Variants in CAST observed in about 807,000 individuals in gnomAD.
CAST encodes the protein calpastatin.
CAST carries 76 observed loss-of-function variants against 119.6 expected under a neutral mutation model. The observed-to-expected ratio is 0.64, with a 90% CI of 0.53 to 0.77. The LOEUF is 0.77. CAST is among the 30% of genes least tolerant of loss of function. The probability of loss-of-function intolerance (pLI) is 0.00; values close to 1 mark genes in which losing one functional copy is unlikely to be tolerated. For synonymous variants in CAST, 319 were observed against 331.6 expected (o/e 0.96, Z 0.41); for missense variants, 953 against 946.5 (o/e 1.01, Z -0.09).
chr5:96,530,472 T>G (rs528017110), intron 1 of CAST, among the ~76,000 whole-genome samples: 2 of 152,176 alleles, frequency 1.3e-5, no homozygotes, highest in African/African-American at 2.4e-5. Flanking sequence ...AAGTAGGCAA[T>G]TGGATAAAGA....
the CAST span, among the ~76,000 whole-genome samples, chr5:96,498,336 G>A: frequency 6.6e-6 from 1 of 152,158 alleles, no homozygotes; most frequent in Non-Finnish European, 1.5e-5. Context: ...GATTGACTTG[G>A]CAATGTGGGC....
At chr5:96,111,073 A>C in the CAST span, 2 of 152,210 alleles carry the variant, frequency 1.3e-5, no homozygotes, top group African/African-American at 4.8e-5. Flanking sequence ...GATGCCAATC[A>C]CAAGTAGTGA....
At chr5:96,422,799 T>G in the CAST span, among the ~76,000 whole-genome samples, 1 of 152,240 alleles carries the variant, frequency 6.6e-6, no homozygotes, top group Non-Finnish European at 1.5e-5. Context: ...TGAAGCAAAT[T>G]GTTTTTATTT....
chr5:96,201,231 C>T, the CAST span, among the ~76,000 whole-genome samples: 3 of 152,116 alleles, frequency 2.0e-5, no homozygotes, highest in African/African-American at 7.2e-5. Flanking sequence ...GCCATTCACT[C>T]AACAACTATT....
upstream of CAST, among the ~76,000 whole-genome samples, chr5:96,521,824 T>C (rs1745523149): frequency 1.3e-5 from 2 of 152,208 alleles, no homozygotes; most frequent in African/African-American, 4.8e-5. Flanking sequence ...CACTGTGCTA[T>C]ATAAAATGAC....
chr5:96,562,424 T>C (rs992916151), intron 1 of CAST, among the ~76,000 whole-genome samples: 1 of 152,118 alleles, frequency 6.6e-6, no homozygotes. Flanking sequence ...ACAACCACAA[T>C]GAAATACACA....
At chr5:96,412,923 G>T in the CAST span, 3 of 504,682 alleles carry the variant, frequency 5.9e-6, no homozygotes, top group Non-Finnish European at 7.5e-6. Flanking sequence ...TGACAGACCA[G>T]CTTTCAGAAA....
At chr5:96,144,969 C>T in the CAST span, among the ~76,000 whole-genome samples, 1 of 152,144 alleles carries the variant, frequency 6.6e-6, no homozygotes, top group Admixed American at 6.5e-5. Flanking sequence ...AAATTTACTG[C>T]CCATATAATT....
the CAST span, among the ~76,000 whole-genome samples, chr5:96,396,820 A>G: frequency 3.3e-5 from 5 of 152,244 alleles, no homozygotes; most frequent in African/African-American, 4.8e-5. Flanking sequence ...AGAATGAAAA[A>G]GAAATGAGAA....
chr5:96,598,343 C>A lies in CAST; in HGVS notation c.60+68463C>A, dbSNP rs138094879. ...CAGGACCCCCAAGTCTGCCCAAAGG[C>A]CAGCTAGTTCCCTGGGTCAGCCTCA... On this transcript the variant is annotated intron_variant, in intron 1 of 11. Transcript: ENST00000505143. Among the ~76,000 whole-genome samples, 250 of 152,298 alleles carry A rather than the reference C, an allele frequency of 1.6e-3. 1 individual carries two copies. The highest frequency in any genetic ancestry group is 5.8e-3 in the African/African-American group (241 of 41,562).
At chr5:96,001,307 T>C in the CAST span, among the ~76,000 whole-genome samples, 1 of 152,204 alleles carries the variant, frequency 6.6e-6, no homozygotes, top group Non-Finnish European at 1.5e-5. Context: ...GTGCTAGTTA[T>C]ATGATTCACT....
Position 96,559,911 on chromosome 5 carries a change from T to A in CAST, c.60+30031T>A, listed in dbSNP as rs575373289. ...CACATTGCCAAGTCAATCCTAAGCC[T>A]AAAGAACAAAGCTGGAGGCGTCACA... On this transcript the variant is annotated intron_variant, in intron 1 of 11. Transcript: ENST00000505143. 2.0e-5 allele frequency among the ~76,000 whole-genome samples: 3 copies of A among 152,180 alleles called. No individual in the cohort carries two copies. In the South Asian group the frequency reaches 6.2e-4, roughly 32 times the overall value.
In CAST at chr5:96,767,434, T is replaced by A; in HGVS notation, c.2131-4T>A. On this transcript the variant is annotated splice_polypyrimidine_tract_variant and splice_region_variant and intron_variant, in intron 27 of 31. Coordinates refer to ENST00000675179, the MANE Select transcript of CAST (RefSeq NM_001750.7). ...CTTAACCAATAGTCTGCCTTCTTTT[T>A]AAGGACAAACCAGTGAAGCCACCTA... 1 of 1,611,390 alleles carries A rather than the reference T, an allele frequency of 6.2e-7. No individual in the cohort carries two copies. The highest frequency in any genetic ancestry group is 8.5e-7 in the Non-Finnish European group (1 of 1,177,776).
At chr5:96,522,008 T>G (rs1413579777), upstream of CAST, among the ~76,000 whole-genome samples, 1 of 151,976 alleles carries the variant, frequency 6.6e-6, no homozygotes, top group Admixed American at 6.6e-5. Flanking sequence ...CCCAGCTACT[T>G]GGGAGGCTCA....
the CAST span, among the ~76,000 whole-genome samples, chr5:96,502,614 G>GTCTGTCTTTCTTTCTTTCTT: frequency 2.3e-4 from 33 of 143,272 alleles, no homozygotes; most frequent in Admixed American, 6.4e-4. Flanking sequence ...AAGTTACCTA[G>GTCTGTCTTTCTTTCTTTCTT]TCTTTCTTTC....
the CAST span, among the ~76,000 whole-genome samples, chr5:96,039,455 A>G: frequency 1.3e-5 from 2 of 152,144 alleles, no homozygotes; most frequent in Non-Finnish European, 1.5e-5. Flanking sequence ...GCCCATGCCT[A>G]TGTCCTGAAT....
At chr5:96,427,001 C>T in the CAST span, among the ~76,000 whole-genome samples, 1 of 152,040 alleles carries the variant, frequency 6.6e-6, no homozygotes, top group African/African-American at 2.4e-5. Flanking sequence ...CTTAAAATAC[C>T]TCAATGCTTG....
At chr5:96,303,320 T>A in the CAST span, among the ~76,000 whole-genome samples, 6 of 152,224 alleles carry the variant, frequency 3.9e-5, no homozygotes, top group African/African-American at 1.4e-4. Context: ...CAATTCCACA[T>A]GAAATTTCGA....
At chr5:96,380,547 CTGAG>C in the CAST span, among the ~76,000 whole-genome samples, 1 of 151,942 alleles carries the variant, frequency 6.6e-6, no homozygotes, top group African/African-American at 2.4e-5. Flanking sequence ...TTATTCTGAC[CTGAG>C]TATTTGGCAG....
Sources: allele counts gnomAD v4.1 joint callset (sites outside exome capture counted in the v4.1 genomes callset), GRCh38; gene constraint gnomAD v4.1.1; transcripts MANE v1.5; gene names NCBI Gene and HGNC (gene_info 2026-07-23, HGNC 2026-07-21).